The following CFAP52 variants were observed in gnomAD, a reference collection of about 807,000 sequenced individuals.
CFAP52 encodes the protein cilia and flagella associated protein 52.
Under a neutral mutation model 70.5 loss-of-function variants are expected in CFAP52, and 57 were observed. The observed-to-expected ratio is 0.81, with a 90% CI of 0.65 to 1.01. CFAP52 has a LOEUF of 1.01. Ranked by LOEUF, CFAP52 falls within the 50% of genes least tolerant of loss-of-function variation. The probability of loss-of-function intolerance (pLI) is 0.00; values close to 1 mark genes in which losing one functional copy is unlikely to be tolerated. For synonymous variants in CFAP52, 267 were observed against 292.5 expected (o/e 0.91, Z 0.89); for missense variants, 785 against 788.5 (o/e 1.00, Z 0.05).
At chr17:9,641,132 C>A (rs1174678526) in intron 12 of CFAP52, among the ~76,000 whole-genome samples, 3 of 152,220 alleles carry the variant, frequency 2.0e-5, no homozygotes, top group Non-Finnish European at 4.4e-5. Context: ...CCTTTAGGCA[C>A]CTGTCTCTCC....
chr17:9,628,848 T>C, intron 9 of CFAP52, 28 bp downstream of exon 9: 1 of 1,613,288 alleles, frequency 6.2e-7, no homozygotes, highest in South Asian at 1.1e-5. Context: ...AGATCTGGCT[T>C]GGGGCTCTAG....
chr17:9,644,276 T>C (rs560449838), downstream of CFAP52, among the ~76,000 whole-genome samples: 323 of 152,302 alleles, frequency 2.1e-3, 2 homozygotes, highest in African/African-American at 7.5e-3. Context: ...TGGCTAATTT[T>C]GTATTTTTAG....
chr17:9,583,265 A>G (rs1359886821), intron 1 of CFAP52, among the ~76,000 whole-genome samples: 2 of 151,948 alleles, frequency 1.3e-5, no homozygotes, highest in African/African-American at 4.8e-5. Context: ...AAAAAGGAAC[A>G]CTCAATTAAA....
intron 3 of CFAP52, among the ~76,000 whole-genome samples, chr17:9,593,215 T>C (rs1394853353): frequency 6.6e-6 from 1 of 152,066 alleles, no homozygotes; most frequent in African/African-American, 2.4e-5. Flanking sequence ...CTCCCCAGCA[T>C]TTTTTTGTAT....
intron 6 of CFAP52, among the ~76,000 whole-genome samples, chr17:9,600,870 C>G (rs1324642500): frequency 6.6e-6 from 1 of 152,158 alleles, no homozygotes; most frequent in East Asian, 1.9e-4. Context: ...TTGGCCAGTT[C>G]TCTATGCCCT....
intron 6 of CFAP52, among the ~76,000 whole-genome samples, chr17:9,606,457 A>G (rs757052324): frequency 6.6e-6 from 1 of 152,212 alleles, no homozygotes; most frequent in Non-Finnish European, 1.5e-5. Flanking sequence ...TGTGTCAGAC[A>G]TGGTGCAAAA....
Position 9,585,915 on chromosome 17 carries a change from C to T in CFAP52, c.213C>T (p.Ala71=), listed in dbSNP as rs143579503. 2.4e-3 allele frequency: 3,898 copies of T among 1,613,668 alleles called. 7 individuals carry two copies. Among genetic ancestry groups the T allele is most frequent in the Non-Finnish European group, 3.0e-3 (3,552 of 1,179,866 alleles). ...QGHGNNVSCL[A]ISRSGEYIAS... ...ATGGCAACAACGTCTCCTGCTTGGC[C>T]ATCTCCAGGTCTGGAGAGTACATCG... The change falls in exon 2 of 14, where the codon GCC becomes GCT. Residue 71 remains alanine, a synonymous_variant. Coordinates refer to ENST00000352665, the MANE Select transcript of CFAP52 (RefSeq NM_145054.5).
chr17:9,614,862 C>G (rs1364097895), intron 8 of CFAP52, among the ~76,000 whole-genome samples: 1 of 152,146 alleles, frequency 6.6e-6, no homozygotes, highest in African/African-American at 2.4e-5. Context: ...CAAAATTACC[C>G]CTAGCTGAGA....
At chr17:9,634,925 T>C (rs993202364) in intron 10 of CFAP52, among the ~76,000 whole-genome samples, 1 of 152,180 alleles carries the variant, frequency 6.6e-6, no homozygotes, top group African/African-American at 2.4e-5. Flanking sequence ...ATTTGTGATA[T>C]AAAATAGGTA....
intron 4 of CFAP52, 163 bp downstream of exon 4, chr17:9,594,484 G>A (rs1908913000): frequency 9.6e-6 from 8 of 833,994 alleles, no homozygotes; most frequent in Non-Finnish European, 1.3e-5. Context: ...CTCTTCACTG[G>A]AAGTATTTTC....
At chr17:9,588,088 C>T (rs1349072485) in intron 3 of CFAP52, among the ~76,000 whole-genome samples, 2 of 152,164 alleles carry the variant, frequency 1.3e-5, no homozygotes, top group Admixed American at 1.3e-4. Context: ...CTGTGAGGAA[C>T]ATGGCTGTGC....
intron 5 of CFAP52, among the ~76,000 whole-genome samples, chr17:9,599,492 A>G (rs140942649): frequency 6.6e-6 from 1 of 152,294 alleles, no homozygotes; most frequent in Non-Finnish European, 1.5e-5. Flanking sequence ...GATGCCTATT[A>G]ACATCAGAAC....
downstream of CFAP52, among the ~76,000 whole-genome samples, chr17:9,643,864 T>G (rs1407027033): frequency 6.6e-6 from 1 of 152,210 alleles, no homozygotes; most frequent in Non-Finnish European, 1.5e-5. Flanking sequence ...GAGTTGGCCA[T>G]TACATCTTTC....
At chr17:9,593,330 A>G (rs1908849320) in intron 3 of CFAP52, among the ~76,000 whole-genome samples, 1 of 152,260 alleles carries the variant, frequency 6.6e-6, no homozygotes, top group Non-Finnish European at 1.5e-5. Flanking sequence ...TTCCCAGACC[A>G]GCAGCACACA....
In CFAP52 at chr17:9,600,102, C is replaced by T. The variant is rs1278846382; in HGVS notation, c.672C>T (p.Thr224=). ...ATGATAGCTTTTTCTACCTTGGCAC[C>T]ACGACTGGAGATATTCTAAAAATGA... is the stretch of plus-strand genomic sequence containing the variant. ...DDDDSFFYLG[T]TTGDILKMNP... Residue 224 remains threonine (T), a synonymous_variant, in exon 6 of 14, where the codon ACC becomes ACT. Transcript: ENST00000352665. The T allele has an allele frequency of 6.2e-7, 1 of 1,613,894 alleles. No individual in the cohort carries two copies. The highest frequency in any genetic ancestry group is 1.7e-5 in the Admixed American group (1 of 60,004).
chr17:9,636,768 T>C (rs1434074535), intron 11 of CFAP52, among the ~76,000 whole-genome samples: 1 of 152,092 alleles, frequency 6.6e-6, no homozygotes, highest in East Asian at 1.9e-4. Flanking sequence ...AAAGCACTGC[T>C]GGGCGCGGTG....
chr17:9,642,319 T>C (rs1045424969), intron 13 of CFAP52, among the ~76,000 whole-genome samples: 2 of 152,190 alleles, frequency 1.3e-5, no homozygotes, highest in Admixed American at 1.3e-4. Flanking sequence ...CTTTGATTCA[T>C]CAGGATATTA....
chr17:9,593,559 G>A (rs1263055008), intron 3 of CFAP52, among the ~76,000 whole-genome samples: 1 of 152,030 alleles, frequency 6.6e-6, no homozygotes, highest in African/African-American at 2.4e-5. Flanking sequence ...GGATTCAAGC[G>A]ATTCTCCTGC....
intron 9 of CFAP52, among the ~76,000 whole-genome samples, chr17:9,631,028 AAGAGAGAG>A (rs761523039): frequency 4.5e-5 from 2 of 44,734 alleles, no homozygotes; most frequent in African/African-American, 2.4e-4. Flanking sequence ...GAAAGAAAGA[AAGAGAGAG>A]AGAGAGAGAG....
Sources: allele counts gnomAD v4.1 joint callset (sites outside exome capture counted in the v4.1 genomes callset), GRCh38; gene constraint gnomAD v4.1.1; transcripts MANE v1.5; gene names NCBI Gene and HGNC (gene_info 2026-07-23, HGNC 2026-07-21).